Variants in HIP1 observed in about 807,000 individuals in gnomAD.
The protein encoded by HIP1 is huntingtin interacting protein 1, also known as huntingtin-interacting protein 1.
Under a neutral mutation model 147.6 loss-of-function variants are expected in HIP1, and 65 were observed. The observed-to-expected ratio is 0.44, with a 90% CI of 0.36 to 0.54. The LOEUF is 0.54. Among genes scored for constraint, HIP1 ranks in the 20% least tolerant of loss-of-function variants. The pLI, the probability that HIP1 is intolerant of heterozygous loss-of-function variation, is 0.00. For synonymous variants in HIP1, 479 were observed against 504.0 expected, an observed-to-expected ratio of 0.95 and a Z score of 0.67; for missense variants, 1,061 against 1,299.6, an observed-to-expected ratio of 0.82 and a Z score of 2.82.
chr7:75,553,439 A>C lies in HIP1; in HGVS notation c.2295+14T>G, dbSNP rs782542854. On this transcript the variant is annotated intron_variant, in intron 22 of 30. Coordinates refer to ENST00000336926, the MANE Select transcript of HIP1 (RefSeq NM_005338.7). ...AAGAATAACAATGCTCCTCAATGAT[A>C]CTACTCCAAGTACCTCGCCGATGGC... 6.2e-7 allele frequency: 1 copy of C among 1,613,206 alleles called. No homozygotes were observed. Among genetic ancestry groups the C allele is most frequent in the South Asian group, 1.1e-5 (1 of 91,078 alleles).
chr7:75,735,772 C>T (rs1195193236), intron 1 of HIP1, among the ~76,000 whole-genome samples: 1 of 151,784 alleles, frequency 6.6e-6, no homozygotes, highest in African/African-American at 2.4e-5. Context: ...CTCACTGCAA[C>T]CTCTGCCTCC....
At chr7:75,632,459 G>A (rs1260595418) in intron 1 of HIP1, among the ~76,000 whole-genome samples, 1 of 152,076 alleles carries the variant, frequency 6.6e-6, no homozygotes, top group Non-Finnish European at 1.5e-5. Context: ...AGGCTGGAGT[G>A]CAGTGGTGTT....
At chr7:75,619,108 T>C (rs1554506566) in intron 1 of HIP1, among the ~76,000 whole-genome samples, 1 of 152,150 alleles carries the variant, frequency 6.6e-6, no homozygotes, top group African/African-American at 2.4e-5. Context: ...CACCCCTAGA[T>C]TCCTTTGCTC....
chr7:75,672,854 C>T (rs753691898), intron 1 of HIP1, among the ~76,000 whole-genome samples: 12 of 151,970 alleles, frequency 7.9e-5, no homozygotes, highest in Non-Finnish European at 1.2e-4. Context: ...TTGTGTATAG[C>T]GTGAAGAGTC....
intron 1 of HIP1, among the ~76,000 whole-genome samples, chr7:75,692,587 A>G (rs1388191083): frequency 7.0e-6 from 1 of 143,048 alleles, no homozygotes; most frequent in African/African-American, 2.6e-5. Flanking sequence ...CGCCTGGCCA[A>G]TTTTTTTTTT....
At chr7:75,690,356 A>G (rs1230276005) in intron 1 of HIP1, among the ~76,000 whole-genome samples, 1 of 152,208 alleles carries the variant, frequency 6.6e-6, no homozygotes, top group African/African-American at 2.4e-5. Flanking sequence ...CAATAAGCAC[A>G]CGAAAAGACG....
chr7:75,633,181 C>T (rs1213980736), intron 1 of HIP1, among the ~76,000 whole-genome samples: 3 of 152,142 alleles, frequency 2.0e-5, no homozygotes, highest in Admixed American at 2.0e-4. Flanking sequence ...TTTTACAGGG[C>T]CACCCAGTAC....
rs1326412043 is a variant in HIP1 at position 75,627,348 on chromosome 7, GT to G, written c.121-28102del. 2.6e-5 allele frequency among the ~76,000 whole-genome samples: 4 copies of G among 152,232 alleles called. No homozygotes were observed. In the East Asian group the frequency reaches 7.7e-4, roughly 29 times the overall value. On this transcript the variant is annotated intron_variant, in intron 1 of 30. Coordinates refer to ENST00000336926, the MANE Select transcript of HIP1 (RefSeq NM_005338.7). The stretch of plus-strand genomic sequence containing the variant: ...TCATTCCTACTTAGTTTCTATAGGA[GT>G]TTCCTTAAATCTCTATAGAATAAAG...
In HIP1 at chr7:75,594,336, A is replaced by G. The variant is rs182975896; in HGVS notation, c.185-1822T>C. Among the ~76,000 whole-genome samples the G allele has an allele frequency of 3.2e-3, 488 of 151,146 alleles. 3 individuals carry two copies. Among genetic ancestry groups the G allele is most frequent in the African/African-American group, 0.011 (466 of 41,236 alleles). Reference sequence around the variant, plus strand: ...TAAACCTGAACACCCGACTTCTTCCATAAACCTGCCTGGCCCTGTTCAGGG... The same window carrying G: ...TAAACCTGAACACCCGACTTCTTCCGTAAACCTGCCTGGCCCTGTTCAGGG... On this transcript the variant is annotated intron_variant, in intron 2 of 30. Coordinates refer to ENST00000336926, the MANE Select transcript of HIP1 (RefSeq NM_005338.7).
intron 1 of HIP1, among the ~76,000 whole-genome samples, chr7:75,601,167 T>C (rs1554502847): frequency 6.6e-6 from 1 of 152,172 alleles, no homozygotes; most frequent in African/African-American, 2.4e-5. Context: ...GGCAAGATGA[T>C]ACAATGTCTA....
Position 75,563,058 on chromosome 7 carries a change from C to T in HIP1, c.897G>A (p.Leu299=), listed in dbSNP as rs1554494887. ...PQLPENPPNF[L]RASALSEHIS... Reference sequence around the variant, plus strand: ...TATGTTCTGACAGGGCTGAGGCTCGCAGGAAGTTGGGTGGGTTCTGAAGAC... The same window carrying T: ...TATGTTCTGACAGGGCTGAGGCTCGTAGGAAGTTGGGTGGGTTCTGAAGAC... The change falls in exon 11 of 31, where the codon CTG becomes CTA. Residue 299 remains leucine, a synonymous_variant. Transcript: ENST00000336926. The T allele has an allele frequency of 1.4e-5, 23 of 1,614,188 alleles. No homozygotes were observed. Among genetic ancestry groups the T allele is most frequent in the Non-Finnish European group, 1.9e-5 (23 of 1,180,048 alleles).
Position 75,689,968 on chromosome 7 carries a change from G to T in HIP1, c.120+48833C>A, listed in dbSNP as rs116250186. On this transcript the variant is annotated intron_variant, in intron 1 of 30. Coordinates refer to ENST00000336926, the MANE Select transcript of HIP1 (RefSeq NM_005338.7). ...GTCTGCAGCCCTGATGGCATGATTT[G>T]ATTTTATTTTTTTTCCGAAAGAGGG... Among the ~76,000 whole-genome samples the T allele has an allele frequency of 4.8e-3, 735 of 152,234 alleles. 5 individuals carry two copies. Among genetic ancestry groups the T allele is most frequent in the African/African-American group, 0.015 (625 of 41,556 alleles).
intron 1 of HIP1, among the ~76,000 whole-genome samples, chr7:75,616,718 G>A (rs978442159): frequency 2.0e-5 from 3 of 152,160 alleles, no homozygotes; most frequent in Non-Finnish European, 2.9e-5. Flanking sequence ...GCTGGCCCCT[G>A]GACTAGGCAG....
In HIP1 at chr7:75,568,245, C is replaced by G; in HGVS notation, c.757G>C (p.Asp253His). The change falls in exon 9 of 31, where the codon GAC (aspartate) becomes CAC (histidine). Residue 253 changes from aspartate (D) to histidine (H), a missense_variant. Physicochemically the swap from Asp to His is moderately conservative, Grantham distance 81 (BLOSUM62 -1). Around this residue, in one of 3 missense-constraint regions of HIP1, gnomAD observed 26 missense variants for 59.9 expected, o/e 0.43. Coordinates refer to ENST00000336926, the MANE Select transcript of HIP1 (RefSeq NM_005338.7). The surrounding 1 kb of genome is among the most constrained non-coding windows in gnomAD (Gnocchi z 4.1). ...LFKLHSCLPA[D>H]TLQGHRDRFM... ...CGGTCCCGGTGGCCTTGCAGGGTGT[C>G]AGCTGGGAGGCCTGGAAGAAATTGG... The G allele has an allele frequency of 6.2e-7, 1 of 1,612,652 alleles. No homozygotes were observed. Among genetic ancestry groups the G allele is most frequent in the Non-Finnish European group, 8.5e-7 (1 of 1,178,738 alleles).
At chr7:75,558,566 T>A (rs1395958438) in intron 14 of HIP1, among the ~76,000 whole-genome samples, 3 of 152,192 alleles carry the variant, frequency 2.0e-5, no homozygotes, top group African/African-American at 7.2e-5. Context: ...TGGGCTCAGG[T>A]GATCCTCCCA....
intron 1 of HIP1, among the ~76,000 whole-genome samples, chr7:75,720,292 C>G (rs1172384536): frequency 6.6e-6 from 1 of 152,100 alleles, no homozygotes; most frequent in African/African-American, 2.4e-5. Flanking sequence ...TCCCAAGTAG[C>G]TGGGACTACA....
In HIP1 at chr7:75,558,213, T is replaced by C. The variant is rs2116825741; in HGVS notation, c.1418A>G (p.Glu473Gly). 1 of 1,614,224 alleles carries C rather than the reference T, an allele frequency of 6.2e-7. No individual in the cohort carries two copies. The highest frequency in any genetic ancestry group is 8.5e-7 in the Non-Finnish European group (1 of 1,180,014). The change falls in exon 15 of 31, where the codon GAG becomes GGG. Residue 473 changes from glutamate to glycine, a missense_variant. By Grantham distance (98) the Glu-to-Gly change is moderately conservative. Transcript: ENST00000336926. ...ANEQRYSKLKEKYSELVQNHA... is the reference protein window; with the variant it reads ...ANEQRYSKLKGKYSELVQNHA... Reference sequence around the variant, plus strand: ...GTTCTGAACCAGCTCGCTGTACTTCTCCTTTAGCTTGCTATATCGCTGTTC... The same window carrying C: ...GTTCTGAACCAGCTCGCTGTACTTCCCCTTTAGCTTGCTATATCGCTGTTC...
chr7:75,669,395 CA>C (rs1309929334), intron 1 of HIP1, among the ~76,000 whole-genome samples: 2 of 150,976 alleles, frequency 1.3e-5, no homozygotes, highest in African/African-American at 2.4e-5. Flanking sequence ...CAAAACAAAA[CA>C]AAAAAACAAC....
intron 1 of HIP1, among the ~76,000 whole-genome samples, chr7:75,653,389 A>C (rs116823258): frequency 8.9e-4 from 135 of 152,314 alleles, no homozygotes; most frequent in African/African-American, 2.8e-3. Flanking sequence ...ATGGTGGCTT[A>C]TACCTGTAAT....
Sources: allele counts gnomAD v4.1 joint callset (sites outside exome capture counted in the v4.1 genomes callset), GRCh38; gene constraint gnomAD v4.1.1; regional missense constraint gnomAD v4.1.1; non-coding constraint Gnocchi (gnomAD v3.1); transcripts MANE v1.5; gene names NCBI Gene and HGNC (gene_info 2026-07-23, HGNC 2026-07-21).